The following SRM variants were observed in gnomAD, a reference collection of about 807,000 sequenced individuals.
SRM encodes the protein spermidine synthase.
Under a neutral mutation model 39.3 loss-of-function variants are expected in SRM, and 14 were observed. The ratio of observed to expected loss-of-function variants is 0.36; its 90% CI spans 0.24 to 0.56. The LOEUF is 0.56. Among genes scored for constraint, SRM ranks in the 20% least tolerant of loss-of-function variants. The probability of loss-of-function intolerance (pLI) is 0.86; values close to 1 mark genes in which losing one functional copy is unlikely to be tolerated. For missense variants in SRM, 244 were observed against 409.2 expected (o/e 0.60, Z 3.48); for synonymous variants, 195 against 173.1 (o/e 1.13, Z -0.99).
At position 11,056,542 on chromosome 1, in the gene SRM, G is replaced by A. The variant is rs1174866198; in HGVS notation, c.535+62C>T. ...GCTCTATCCTTTACTCTGAAGGCCT[G>A]GGGGAGGCTGACCTCCAGACCTGCA... On this transcript the variant is annotated intron_variant, in intron 4 of 7. Transcript: ENST00000376957. 3.1e-6 allele frequency: 5 copies of A among 1,598,714 alleles called. No homozygotes were observed. The South Asian group carries it at 4.5e-5, about 14-fold the overall frequency.
chr1:11,057,551 A>G (rs912111148), intron 3 of SRM, among the ~76,000 whole-genome samples: 9 of 146,422 alleles, frequency 6.1e-5, no homozygotes, highest in African/African-American at 2.3e-4. Flanking sequence ...GTGAGCCACC[A>G]GCGCTTGGCC....
rs1160769118 is a variant in SRM at position 11,059,767 on chromosome 1, G to A, written c.167+10C>T. 3 of 1,577,602 alleles carry A rather than the reference G, an allele frequency of 1.9e-6. No individual in the cohort carries two copies. The African/African-American group carries it at 4.2e-5, about 22-fold the overall frequency. On this transcript the variant is annotated intron_variant, in intron 1 of 7. Transcript: ENST00000376957. ...CCTAGGGGGCAGGCGCCTGCGGGCA[G>A]CGGCGGTACCTGCGGAAGACGAGGA...
rs1438133437 is a variant in SRM, at chr1:11,059,971, G to A, written c.-28C>T. 4.1e-6 allele frequency: 4 copies of A among 981,372 alleles called. No homozygotes were observed. Among genetic ancestry groups the A allele is most frequent in the East Asian group, 1.1e-4 (1 of 8,890 alleles). 60.8% of individuals were successfully genotyped at this position (981,372 alleles called of 1,614,324 possible). On this transcript the variant is annotated 5_prime_UTR_variant, in exon 1 of 8. Coordinates refer to ENST00000376957, the MANE Select transcript of SRM (RefSeq NM_003132.3). ...CGGGCGGGCGGGCGGCGCGGGGCGC[G>A]GGCCCGGGACTGCAGGCCGCGCGGC... is the stretch of plus-strand genomic sequence containing the variant.
chr1:11,059,170 G>C (rs1638932182), intron 2 of SRM, 55 bp downstream of exon 2: 5 of 1,610,346 alleles, frequency 3.1e-6, no homozygotes, highest in Non-Finnish European at 4.2e-6. Context: ...GAAGAGCCCG[G>C]AGCACACCTG....
Position 11,054,839 on chromosome 1 carries a change from G to T in SRM, c.*26C>A, listed in dbSNP as rs200634815. The T allele has an allele frequency of 5.6e-6, 9 of 1,594,146 alleles. No homozygotes were observed. The Admixed American group carries it at 1.5e-4, about 27-fold the overall frequency. ...GCAGGCTCCAAGGTCCGAGGTCCTG[G>T]GTGGCATCAGTGGTGGCGCCTGGGC... On this transcript the variant is annotated 3_prime_UTR_variant, in exon 8 of 8. Coordinates refer to ENST00000376957, the MANE Select transcript of SRM (RefSeq NM_003132.3). The surrounding 1 kb of genome is among the most constrained non-coding windows in gnomAD (Gnocchi z 4.8).
chr1:11,056,865 A>C (rs979465834), intron 3 of SRM, 108 bp from the exon 4 acceptor site: 6 of 1,118,796 alleles, frequency 5.4e-6, no homozygotes, highest in Admixed American at 4.8e-5. Context: ...GCCTTGGCCA[A>C]CCCCTTCCCT....
In SRM at chr1:11,055,101, G is replaced by A; in HGVS notation, c.766-17C>T. On this transcript the variant is annotated splice_polypyrimidine_tract_variant and intron_variant, in intron 6 of 7. Transcript: ENST00000376957. ...GTTCGTGCTCTGGGGACCGGGCCAGGGGCACATCAGGGGGGGCACTTTTTT... is the reference window on the plus strand; with the variant it reads ...GTTCGTGCTCTGGGGACCGGGCCAGAGGCACATCAGGGGGGGCACTTTTTT... The A allele has an allele frequency of 6.3e-7, 1 of 1,587,342 alleles. No homozygotes were observed. Among genetic ancestry groups the A allele is most frequent in the Non-Finnish European group, 8.5e-7 (1 of 1,169,898 alleles).
chr1:11,059,338 A>G lies in SRM; in HGVS notation c.175T>C (p.Tyr59His). 6.2e-7 allele frequency: 1 copy of G among 1,613,628 alleles called. No individual in the cohort carries two copies. Among genetic ancestry groups the G allele is most frequent in the South Asian group, 1.1e-5 (1 of 91,078 alleles). The change falls in exon 2 of 8, where the codon TAT (tyrosine) becomes CAT (histidine). Residue 59 changes from tyrosine (Y) to histidine (H), a missense_variant. Coordinates refer to ENST00000376957, the MANE Select transcript of SRM (RefSeq NM_003132.3). Reference sequence around the variant, plus strand: ...CCGTCCAACACCAGCACGTTGCCATAGGTCTTACTGCGGGCGGAGTGACAG... The same window carrying G: ...CCGTCCAACACCAGCACGTTGCCATGGGTCTTACTGCGGGCGGAGTGACAG... ...QDILVFRSKTYGNVLVLDGVI... is the reference protein window; with the variant it reads ...QDILVFRSKTHGNVLVLDGVI...
Position 11,059,222 on chromosome 1 carries a change from T to TACC in SRM, c.288_288+2dup. On this transcript the variant is annotated splice_region_variant and intron_variant, in intron 2 of 7. Coordinates refer to ENST00000376957, the MANE Select transcript of SRM (RefSeq NM_003132.3). ...GGCACTGTTCCAGGGGACACTGGGGTACCTTTCGCGGGTTGGGGTGGCTGC... is the reference window on the plus strand; with the variant it reads ...GGCACTGTTCCAGGGGACACTGGGGTACCACCTTTCGCGGGTTGGGGTGGCTGC... 1 of 1,613,330 alleles carries TACC rather than the reference T, an allele frequency of 6.2e-7. No homozygotes were observed. The highest frequency in any genetic ancestry group is 8.5e-7 in the Non-Finnish European group (1 of 1,179,936).
rs1029826225 is a variant in SRM, at chr1:11,055,294, T to C, written c.766-210A>G. ...TTTTTTTTTTTTGTATTTTGAGTAG[T>C]GATGGGGTTTCTCCATGTTGGTCAG... On this transcript the variant is annotated intron_variant, in intron 6 of 7. Transcript: ENST00000376957. The C allele has an allele frequency of 5.2e-5, 32 of 613,150 alleles. 1 individual carries two copies. In the Admixed American group the frequency reaches 9.1e-4, roughly 17 times the overall value. 38.0% of individuals were successfully genotyped at this position (613,150 alleles called of 1,614,324 possible).
At chr1:11,056,444 T>C (rs1638878765) in intron 4 of SRM, among the ~76,000 whole-genome samples, 160 bp downstream of exon 4, 1 of 152,106 alleles carries the variant, frequency 6.6e-6, no homozygotes, top group African/African-American at 2.4e-5. Context: ...CCTACTGTCC[T>C]GAGCCATGTT....
At position 11,058,909 on chromosome 1, in the gene SRM, G is replaced by C. The variant is rs1438782222; in HGVS notation, c.289-17C>G. 1 of 1,594,340 alleles carries C rather than the reference G, an allele frequency of 6.3e-7. No individual in the cohort carries two copies. The highest frequency in any genetic ancestry group is 1.1e-5 in the South Asian group (1 of 87,936). On this transcript the variant is annotated splice_polypyrimidine_tract_variant and intron_variant, in intron 2 of 7. Transcript: ENST00000376957. ...GATCAGCACCTGGGAGGAGGGGGCAGTCAAGGCAGGGGCCCTGGCAGGACT... is the reference window on the plus strand; with the variant it reads ...GATCAGCACCTGGGAGGAGGGGGCACTCAAGGCAGGGGCCCTGGCAGGACT...
In SRM at chr1:11,055,016, G is replaced by A; in HGVS notation, c.834C>T (p.Tyr278=). ...QQQVAQMQLK[Y]YNSDVHRAAF... ...CGGCGCGGTGCACGTCGGAGTTGTA[G>A]TACTTCAGCTGCATCTGCGCCACCT... Residue 278 remains tyrosine, a synonymous_variant, in exon 7 of 8, where the codon TAC becomes TAT. Transcript: ENST00000376957. The A allele has an allele frequency of 6.2e-7, 1 of 1,612,896 alleles. No homozygotes were observed. Among genetic ancestry groups the A allele is most frequent in the Non-Finnish European group, 8.5e-7 (1 of 1,179,896 alleles).
intron 2 of SRM, 64 bp from the exon 3 acceptor site, chr1:11,058,956 G>A (rs1638928040): frequency 2.7e-6 from 4 of 1,472,532 alleles, no homozygotes; most frequent in African/African-American, 1.4e-5. Flanking sequence ...GGCCCCTGAA[G>A]CAGACCCCCT....
Position 11,059,827 on chromosome 1 carries a change from C to G in SRM, c.117G>C (p.Gln39His), listed in dbSNP as rs1222930598. The G allele has an allele frequency of 2.5e-6, 4 of 1,575,460 alleles. No homozygotes were observed. Among genetic ancestry groups the G allele is most frequent in the Non-Finnish European group, 3.4e-6 (4 of 1,170,614 alleles). The change falls in exon 1 of 8, where the codon CAG becomes CAC. Residue 39 changes from glutamine to histidine, a missense_variant. Transcript: ENST00000376957. ...AGCGCGAGCGCCGGTGGTGGAGCAG[C>G]TGCTCCACCTGCAGTGACAGGGCCT... ...PGQALSLQVE[Q>H]LLHHRRSRYQ...
At chr1:11,058,692 T>C in intron 3 of SRM, 108 bp downstream of exon 3, 1 of 950,222 alleles carries the variant, frequency 1.1e-6, no homozygotes, top group Non-Finnish European at 1.5e-6. Flanking sequence ...GTTTTCCAGA[T>C]GGAGAAACAG....
rs1162438738 is a variant in SRM at position 11,055,940 on chromosome 1, AG to A, written c.620-15del. On this transcript the variant is annotated splice_polypyrimidine_tract_variant and intron_variant, in intron 5 of 7. Coordinates refer to ENST00000376957, the MANE Select transcript of SRM (RefSeq NM_003132.3). ...ACTGGCACTCGCCTGGGGGCCCCTAAGCATCAGCATCCGGCAGGGCCTGCCC... is the reference window on the plus strand; with the variant it reads ...ACTGGCACTCGCCTGGGGGCCCCTAACATCAGCATCCGGCAGGGCCTGCCC... The A allele has an allele frequency of 6.3e-7, 1 of 1,592,994 alleles. No homozygotes were observed. Among genetic ancestry groups the A allele is most frequent in the Non-Finnish European group, 8.6e-7 (1 of 1,167,200 alleles).
chr1:11,056,313 T>C (rs1638877012), intron 4 of SRM, among the ~76,000 whole-genome samples: 2 of 152,158 alleles, frequency 1.3e-5, no homozygotes, highest in Admixed American at 1.3e-4. Context: ...CCCACTCCAG[T>C]GCTGACCACT....
chr1:11,058,660 A>T, intron 3 of SRM, 140 bp downstream of exon 3: 1 of 677,130 alleles, frequency 1.5e-6, no homozygotes, highest in Non-Finnish European at 2.4e-6. Context: ...TGGTTTTCCT[A>T]CTGAACCCTC....
Sources: gnomAD v4.1 joint callset for allele counts (sites outside exome capture counted in the v4.1 genomes callset) on GRCh38, gnomAD v4.1.1 for gene constraint, Gnocchi (gnomAD v3.1) non-coding constraint, MANE v1.5 for transcripts, NCBI Gene and HGNC (gene_info 2026-07-23, HGNC 2026-07-21) for gene names.